The following DRC11 variants were observed in gnomAD, a reference collection of about 807,000 sequenced individuals.
DRC11 encodes IQ and AAA domain-containing protein 1.
At chr2:236,404,068 C>T in the DRC11 span, among the ~76,000 whole-genome samples, 1 of 151,230 alleles carries the variant, frequency 6.6e-6, no homozygotes, top group Non-Finnish European at 1.5e-5. Flanking sequence ...GAAGGCTAGC[C>T]ATGACCCGAG....
At chr2:236,389,561 C>A in the DRC11 span, among the ~76,000 whole-genome samples, 5 of 152,242 alleles carry the variant, frequency 3.3e-5, no homozygotes, top group African/African-American at 1.2e-4. Flanking sequence ...TGCCCACTGT[C>A]TGGCACTCCC....
At chr2:236,389,163 G>A in the DRC11 span, among the ~76,000 whole-genome samples, 3 of 152,236 alleles carry the variant, frequency 2.0e-5, no homozygotes, top group Non-Finnish European at 4.4e-5. Flanking sequence ...AGGCAGGCAC[G>A]CCTCCTTGAG....
the DRC11 span, among the ~76,000 whole-genome samples, chr2:236,357,268 TATAC>T: frequency 0.2 from 20,321 of 103,818 alleles, 2,025 homozygotes; most frequent in Non-Finnish European, 0.23. Context: ...ATATTATAAA[TATAC>T]ATATATTATA....
chr2:236,376,990 G>T, the DRC11 span: 33 of 670,758 alleles, frequency 4.9e-5, no homozygotes, highest in Non-Finnish European at 7.6e-5. The surrounding 1 kb of genome is among the most constrained non-coding windows in gnomAD (Gnocchi z 5.7). Context: ...GCCACCATCG[G>T]CCAGGTTTTG....
At chr2:236,353,936 T>TA in the DRC11 span, among the ~76,000 whole-genome samples, 3 of 152,312 alleles carry the variant, frequency 2.0e-5, no homozygotes, top group Non-Finnish European at 1.5e-5. This position sits in a 1 kb window ranked among gnomAD's most constrained non-coding sequence, Gnocchi z 5.0. Context: ...ATTTAAAAAT[T>TA]ACATTTTAAG....
the DRC11 span, among the ~76,000 whole-genome samples, chr2:236,354,951 C>T: frequency 2.6e-5 from 4 of 152,210 alleles, no homozygotes; most frequent in East Asian, 1.9e-4. Flanking sequence ...CAGCTGGACC[C>T]GGCTACATGG....
the DRC11 span, among the ~76,000 whole-genome samples, chr2:236,390,067 G>GT: frequency 3.9e-5 from 6 of 152,170 alleles, no homozygotes; most frequent in Non-Finnish European, 8.8e-5. This position sits in a 1 kb window ranked among gnomAD's most constrained non-coding sequence, Gnocchi z 5.9. Context: ...ATTACTGAGA[G>GT]TGGGATAGTG....
chr2:236,400,262 G>A, the DRC11 span, among the ~76,000 whole-genome samples: 1 of 152,142 alleles, frequency 6.6e-6, no homozygotes, highest in South Asian at 2.1e-4. The surrounding 1 kb of genome is among the most constrained non-coding windows in gnomAD (Gnocchi z 7.9). Flanking sequence ...CGGAGCCAGA[G>A]TCTAGCTAGC....
At chr2:236,466,970 C>A in the DRC11 span, among the ~76,000 whole-genome samples, 5 of 152,214 alleles carry the variant, frequency 3.3e-5, no homozygotes. Flanking sequence ...TTTGGCCCCT[C>A]CCACTTGAAT....
chr2:236,437,844 C>A, the DRC11 span, among the ~76,000 whole-genome samples: 5 of 149,522 alleles, frequency 3.3e-5, no homozygotes, highest in African/African-American at 1.2e-4. Flanking sequence ...GGATATTAGC[C>A]CTTTGTCAGA....
the DRC11 span, among the ~76,000 whole-genome samples, chr2:236,365,458 G>A: frequency 6.6e-6 from 1 of 152,062 alleles, no homozygotes; most frequent in African/African-American, 2.4e-5. The surrounding 1 kb of genome is among the most constrained non-coding windows in gnomAD (Gnocchi z 7.4). Flanking sequence ...CACAGGGAGG[G>A]GTGAGGAGCC....
chr2:236,325,296 A>G, the DRC11 span, among the ~76,000 whole-genome samples: 1 of 152,196 alleles, frequency 6.6e-6, no homozygotes, highest in Non-Finnish European at 1.5e-5. This position sits in a 1 kb window ranked among gnomAD's most constrained non-coding sequence, Gnocchi z 4.4. Flanking sequence ...GAAACCTAAG[A>G]GACATTTGGG....
At chr2:236,344,798 C>T in the DRC11 span, among the ~76,000 whole-genome samples, 5 of 149,066 alleles carry the variant, frequency 3.4e-5, no homozygotes, top group African/African-American at 1.0e-4. Context: ...TGTGAACGTG[C>T]TTCCCTCTGG....
chr2:236,316,377 G>T, the DRC11 span, among the ~76,000 whole-genome samples: 3 of 152,128 alleles, frequency 2.0e-5, no homozygotes, highest in Non-Finnish European at 4.4e-5. The surrounding 1 kb of genome is among the most constrained non-coding windows in gnomAD (Gnocchi z 6.8). Context: ...TGGTCAGGCT[G>T]CCCTCAAATT....
chr2:236,502,676 A>AC, the DRC11 span, among the ~76,000 whole-genome samples: 2 of 152,046 alleles, frequency 1.3e-5, no homozygotes, highest in Non-Finnish European at 2.9e-5. Context: ...TTAAGAATTC[A>AC]CATGGTGGAA....
chr2:236,373,080 T>C, the DRC11 span, among the ~76,000 whole-genome samples: 2 of 152,152 alleles, frequency 1.3e-5, no homozygotes, highest in African/African-American at 2.4e-5. Flanking sequence ...CTTTTTGCCT[T>C]TTATTTCTAA....
the DRC11 span, among the ~76,000 whole-genome samples, chr2:236,311,501 C>G: frequency 6.6e-6 from 1 of 152,334 alleles, no homozygotes; most frequent in Admixed American, 6.5e-5. The surrounding 1 kb of genome is among the most constrained non-coding windows in gnomAD (Gnocchi z 6.9). Flanking sequence ...CCAGACGTGG[C>G]CAGAACTGAC....
At chr2:236,491,016 T>TGTATATATATGTGTGTATATATATATACA in the DRC11 span, among the ~76,000 whole-genome samples, 3 of 131,836 alleles carry the variant, frequency 2.3e-5, no homozygotes, top group African/African-American at 2.6e-5. Context: ...TGTATATATG[T>TGTATATATATGTGTGTATATATATATACA]GTATATATAT....
the DRC11 span, among the ~76,000 whole-genome samples, chr2:236,353,318 C>T: frequency 4.6e-5 from 7 of 152,270 alleles, no homozygotes; most frequent in Non-Finnish European, 7.4e-5. This position sits in a 1 kb window ranked among gnomAD's most constrained non-coding sequence, Gnocchi z 5.0. Flanking sequence ...AAATTTCCAC[C>T]GTGTGCCTTT....
Sources: gnomAD v4.1 joint callset for allele counts (sites outside exome capture counted in the v4.1 genomes callset) on GRCh38, gnomAD v4.1.1 for gene constraint, Gnocchi (gnomAD v3.1) non-coding constraint, MANE v1.5 for transcripts, NCBI Gene and HGNC (gene_info 2026-07-23, HGNC 2026-07-21) for gene names.